ALOX12B: variants seen among roughly 807,000 people sequenced by gnomAD.
ALOX12B encodes arachidonate 12-lipoxygenase, 12R-type.
Under a neutral mutation model 78.9 loss-of-function variants are expected in ALOX12B, and 47 were observed. That is an observed-to-expected ratio of 0.60 (90% confidence interval 0.47 to 0.76). The LOEUF (loss-of-function observed/expected upper bound fraction) is 0.76. Among genes scored for constraint, ALOX12B ranks in the 30% least tolerant of loss-of-function variants. The pLI is 0.00. For missense variants in ALOX12B, 805 were observed against 922.6 expected, an observed-to-expected ratio of 0.87 and a Z score of 1.65; for synonymous variants, 370 against 374.5, an observed-to-expected ratio of 0.99 and a Z score of 0.14.
chr17:8,074,556 C>G (rs1977044030), intron 12 of ALOX12B, among the ~76,000 whole-genome samples: 1 of 152,098 alleles, frequency 6.6e-6, no homozygotes, highest in African/African-American at 2.4e-5. Context: ...AGCTCTTACC[C>G]TAGTCAGGTC....
Position 8,080,618 on chromosome 17 carries a change from T to C in ALOX12B, c.650+40A>G, listed in dbSNP as rs1463259016. 6.2e-7 allele frequency: 1 copy of C among 1,613,790 alleles called. No homozygotes were observed. The highest frequency in any genetic ancestry group is 2.2e-5 in the East Asian group (1 of 44,880). ...AAGGTTGGGGGAGAGGGAAAGTTCTTGCAGGAGCCCTCGTTCTCCCGTCAC... is the reference window on the plus strand; with the variant it reads ...AAGGTTGGGGGAGAGGGAAAGTTCTCGCAGGAGCCCTCGTTCTCCCGTCAC... On this transcript the variant is annotated intron_variant, in intron 5 of 14. Coordinates refer to ENST00000647874, the MANE Select transcript of ALOX12B (RefSeq NM_001139.3). The surrounding 1 kb of genome is among the most constrained non-coding windows in gnomAD (Gnocchi z 4.8).
In ALOX12B at chr17:8,079,555, G is replaced by T; in HGVS notation, c.928-16C>A. 2 of 1,549,834 alleles carry T rather than the reference G, an allele frequency of 1.3e-6. No homozygotes were observed. The highest frequency in any genetic ancestry group is 1.7e-6 in the Non-Finnish European group (2 of 1,146,600). ...TGTTCCCCTTCTGGAGGGGAGCCGC[G>T]ATGGGTGGCAAGTAGGCACCCACAC... On this transcript the variant is annotated splice_polypyrimidine_tract_variant and intron_variant, in intron 7 of 14. Transcript: ENST00000647874. The surrounding 1 kb of genome is among the most constrained non-coding windows in gnomAD (Gnocchi z 6.4).
At position 8,087,642 on chromosome 17, in the gene ALOX12B, G is replaced by A. The variant is rs1050016512; in HGVS notation, c.-200C>T. ...GGAAAAGCTGCTGCCCTTGGTGGCCGGGGTGGGTGCCGGGCAGGCCCAGGC... is the reference window on the plus strand; with the variant it reads ...GGAAAAGCTGCTGCCCTTGGTGGCCAGGGTGGGTGCCGGGCAGGCCCAGGC... On this transcript the variant is annotated 5_prime_UTR_variant, in exon 1 of 15. Transcript: ENST00000647874. The A allele has an allele frequency of 4.8e-5, 42 of 879,796 alleles. No individual in the cohort carries two copies. The highest frequency in any genetic ancestry group is 8.8e-5 in the Admixed American group (4 of 45,208). 54.5% of individuals were successfully genotyped at this position (879,796 alleles called of 1,614,324 possible). A position where few individuals can be genotyped will look rare whatever the true frequency, so the allele number is the denominator to read the frequency against.
rs921661812 is a variant in ALOX12B at position 8,080,094 on chromosome 17, G to A, written c.754+141C>T. On this transcript the variant is annotated intron_variant, in intron 6 of 14. Coordinates refer to ENST00000647874, the MANE Select transcript of ALOX12B (RefSeq NM_001139.3). This position sits in a 1 kb window ranked among gnomAD's most constrained non-coding sequence, Gnocchi z 4.8. ...CTGAGCGGCCGGAGGAGCCCGGTGC[G>A]ACATTTTCCAAGAAGCCGCCAGAGG... 7 of 1,477,068 alleles carry A rather than the reference G, an allele frequency of 4.7e-6. No individual in the cohort carries two copies. The highest frequency in any genetic ancestry group is 4.7e-6 in the Non-Finnish European group (5 of 1,061,282). The allele number at this position is 1,477,068 out of a possible 1,614,324, so 91.5% of individuals were successfully genotyped here.
At chr17:8,077,738 G>A (rs1437362185) in intron 8 of ALOX12B, among the ~76,000 whole-genome samples, 4 of 152,220 alleles carry the variant, frequency 2.6e-5, no homozygotes, top group Non-Finnish European at 5.9e-5. Context: ...CCAAGGCAGA[G>A]GCTAAGTCTA....
At chr17:8,084,050 C>G (rs1978290784) in intron 2 of ALOX12B, among the ~76,000 whole-genome samples, 1 of 151,990 alleles carries the variant, frequency 6.6e-6, no homozygotes, top group East Asian at 1.9e-4. Context: ...CCCAGCTACT[C>G]AGGAGGCTGA....
rs200687206 is a variant in ALOX12B, at chr17:8,073,757, C to T, written c.1655G>A (p.Gly552Asp). The T allele has an allele frequency of 4.3e-6, 7 of 1,613,670 alleles. No individual in the cohort carries two copies. The highest frequency in any genetic ancestry group is 5.1e-6 in the Non-Finnish European group (6 of 1,179,712). The change falls in exon 13 of 15, where the codon GGC (glycine) becomes GAC (aspartate). Residue 552 changes from glycine to aspartate, a missense_variant and splice_region_variant. Gly to Asp is a moderately conservative substitution (Grantham distance 94). Transcript: ENST00000647874. ...KECLLGRESS[G>D]FPRCLRTVPE... ...CACGGTTCGCAAGCACCTAGGGAAG[C>T]CTGACCGGCGGGGGAAAAGCCCAGG...
intron 11 of ALOX12B, 121 bp downstream of exon 11, chr17:8,076,054 C>T: frequency 7.3e-7 from 1 of 1,372,340 alleles, no homozygotes; most frequent in South Asian, 1.2e-5. Context: ...AGGCCCCTTC[C>T]CCAAGGCCAA....
Position 8,080,000 on chromosome 17 carries a change from G to A in ALOX12B, c.755-59C>T. 3 of 1,580,090 alleles carry A rather than the reference G, an allele frequency of 1.9e-6. No individual in the cohort carries two copies. In the African/African-American group the frequency reaches 4.0e-5, roughly 21 times the overall value. On this transcript the variant is annotated intron_variant, in intron 6 of 14. Coordinates refer to ENST00000647874, the MANE Select transcript of ALOX12B (RefSeq NM_001139.3). The surrounding 1 kb of genome is among the most constrained non-coding windows in gnomAD (Gnocchi z 6.4). ...CCCGGCCCCCCTCGGGGACGGAGAG[G>A]CATGGGACAGAAGAAGACTATGGGC...
intron 8 of ALOX12B, among the ~76,000 whole-genome samples, chr17:8,078,080 C>G (rs997530950): frequency 4.6e-5 from 7 of 152,012 alleles, no homozygotes; most frequent in Non-Finnish European, 1.0e-4. Context: ...GTATTGGGTA[C>G]TATAAGAAAT....
Position 8,080,628 on chromosome 17 carries a change from C to T in ALOX12B, c.650+30G>A. 6.2e-7 allele frequency: 1 copy of T among 1,613,954 alleles called. No individual in the cohort carries two copies. The highest frequency in any genetic ancestry group is 8.5e-7 in the Non-Finnish European group (1 of 1,179,982). On this transcript the variant is annotated intron_variant, in intron 5 of 14. Transcript: ENST00000647874. This position sits in a 1 kb window ranked among gnomAD's most constrained non-coding sequence, Gnocchi z 4.8. Reference sequence around the variant, plus strand: ...GAGAGGGAAAGTTCTTGCAGGAGCCCTCGTTCTCCCGTCACTCACACGGAC... The same window carrying T: ...GAGAGGGAAAGTTCTTGCAGGAGCCTTCGTTCTCCCGTCACTCACACGGAC...
In ALOX12B at chr17:8,087,387, C is replaced by T. The variant is rs140795969; in HGVS notation, c.56G>A (p.Arg19Gln). 327 of 1,614,242 alleles carry T rather than the reference C, an allele frequency of 2.0e-4. 2 individuals carry two copies. The highest frequency in any genetic ancestry group is 1.5e-3 in the South Asian group (141 of 91,088). Residue 19 changes from arginine to glutamine, a missense_variant, in exon 1 of 15, where the codon CGG (arginine) becomes CAG (glutamine). Arg to Gln is a conservative substitution (Grantham distance 43). Coordinates refer to ENST00000647874, the MANE Select transcript of ALOX12B (RefSeq NM_001139.3). ...CACAATGGTCAGTGAGATGGAGTCC[C>T]GTGTTCCCGACAAGAGGTCGGTGCC... ...ATGTDLLSGT[R>Q]DSISLTIVGT...
intron 8 of ALOX12B, among the ~76,000 whole-genome samples, chr17:8,077,876 C>A (rs189794358): frequency 4.6e-5 from 7 of 152,338 alleles, no homozygotes; most frequent in African/African-American, 1.4e-4. Flanking sequence ...CTCACAGATG[C>A]ACACACATAG....
At chr17:8,076,821 G>A (rs989325238) in intron 9 of ALOX12B, 78 bp from the exon 10 acceptor site, 83 of 1,478,514 alleles carry the variant, frequency 5.6e-5, no homozygotes, top group Non-Finnish European at 7.2e-5. Context: ...TTTCTGTAAC[G>A]TCAGATCTGC....
At chr17:8,084,717 G>A (rs754767547) in intron 2 of ALOX12B, among the ~76,000 whole-genome samples, 4 of 152,258 alleles carry the variant, frequency 2.6e-5, no homozygotes, top group African/African-American at 4.8e-5. Context: ...AGAAACGGAA[G>A]AGAGGTAGTC....
In ALOX12B at chr17:8,080,272, A is replaced by C. The variant is rs764267552; in HGVS notation, c.717T>G (p.Ile239Met). 12 of 1,614,054 alleles carry C rather than the reference A, an allele frequency of 7.4e-6. No homozygotes were observed. Residue 239 changes from isoleucine (I) to methionine (M), a missense_variant, in exon 6 of 15, where the codon ATT (isoleucine) becomes ATG (methionine). Coordinates refer to ENST00000647874, the MANE Select transcript of ALOX12B (RefSeq NM_001139.3). This position sits in a 1 kb window ranked among gnomAD's most constrained non-coding sequence, Gnocchi z 4.8. ...ATTTCTTGCCAGGGAAAATTTTCCT[A>C]ATGTCCTTCAGCCTCTTCCACGAAT... ...CKHSWKRLKD[I>M]RKIFPGKKSV...
Position 8,080,222 on chromosome 17 carries a change from C to T in ALOX12B, c.754+13G>A, listed in dbSNP as rs761267946. 9.3e-6 allele frequency: 15 copies of T among 1,612,478 alleles called. No individual in the cohort carries two copies. Among genetic ancestry groups the T allele is most frequent in the Middle Eastern group, 1.6e-4 (1 of 6,080 alleles). ...GGCTCCCCCTGCTCGATCCGGGACG[C>T]CCCATTCCATACCGGAGACGACAGA... On this transcript the variant is annotated intron_variant, in intron 6 of 14. Coordinates refer to ENST00000647874, the MANE Select transcript of ALOX12B (RefSeq NM_001139.3). This position sits in a 1 kb window ranked among gnomAD's most constrained non-coding sequence, Gnocchi z 4.8.
chr17:8,076,196 G>A lies in ALOX12B; in HGVS notation c.1511C>T (p.Ala504Val), dbSNP rs141010860. The A allele has an allele frequency of 5.3e-5, 86 of 1,614,074 alleles. No individual in the cohort carries two copies. The highest frequency in any genetic ancestry group is 2.0e-4 in the East Asian group (9 of 44,882). ...TCACTTCTCCAGTGCATTCCACACCGCCAAGCTGTCATCGCGGTAGTAATA... is the reference window on the plus strand; with the variant it reads ...TCACTTCTCCAGTGCATTCCACACCACCAAGCTGTCATCGCGGTAGTAATA... ...PGYYYRDDSL[A>V]VWNALEKYVT... The change falls in exon 11 of 15, where the codon GCG (alanine) becomes GTG (valine). Residue 504 changes from alanine to valine, a missense_variant. By Grantham distance (64) the Ala-to-Val change is moderately conservative (BLOSUM62 0). Transcript: ENST00000647874.
Position 8,080,438 on chromosome 17 carries a change from CAG to C in ALOX12B, c.651-102_651-101del, listed in dbSNP as rs1977190137. The C allele has an allele frequency of 6.9e-7, 1 of 1,458,512 alleles. No homozygotes were observed. Among genetic ancestry groups the C allele is most frequent in the Non-Finnish European group, 9.6e-7 (1 of 1,040,242 alleles). 90.3% of individuals were successfully genotyped at this position (1,458,512 alleles called of 1,614,324 possible). ...CCCATCCACTTAGGTCTCTGGGTCT[CAG>C]GGTCTGTGCGTCGCAAAGTCTCTGG... On this transcript the variant is annotated intron_variant, in intron 5 of 14. Coordinates refer to ENST00000647874, the MANE Select transcript of ALOX12B (RefSeq NM_001139.3). This position sits in a 1 kb window ranked among gnomAD's most constrained non-coding sequence, Gnocchi z 4.8.
Sources: allele counts gnomAD v4.1 joint callset (sites outside exome capture counted in the v4.1 genomes callset), GRCh38; gene constraint gnomAD v4.1.1; non-coding constraint Gnocchi (gnomAD v3.1); transcripts MANE v1.5; gene names NCBI Gene and HGNC (gene_info 2026-07-23, HGNC 2026-07-21).